Variants in GPC5 observed in about 807,000 individuals in gnomAD.
GPC5 encodes the protein glypican 5.
Under a neutral mutation model 53.9 loss-of-function variants are expected in GPC5, and 47 were observed. The observed-to-expected ratio is 0.87, with a 90% CI of 0.69 to 1.11. The LOEUF (loss-of-function observed/expected upper bound fraction) is 1.11, where lower values mean the gene tolerates loss of function less well. Among genes scored for constraint, GPC5 ranks in the 50% most tolerant of loss-of-function variants. The probability of loss-of-function intolerance (pLI) is 0.00; values close to 1 mark genes in which losing one functional copy is unlikely to be tolerated. For synonymous variants in GPC5, 286 were observed against 263.3 expected (o/e 1.09, Z -0.84); for missense variants, 748 against 713.1 (o/e 1.05, Z -0.56).
intron 7 of GPC5, among the ~76,000 whole-genome samples, chr13:92,724,912 A>ACACAC (rs1555306824): frequency 1.6e-5 from 2 of 124,700 alleles, no homozygotes; most frequent in Non-Finnish European, 1.7e-5. Context: ...ACACACACAC[A>ACACAC]AGAAAGAAAA....
At chr13:92,045,479 C>A (rs9589410) in intron 6 of GPC5, among the ~76,000 whole-genome samples, 86 of 152,138 alleles carry the variant, frequency 5.7e-4, no homozygotes, top group African/African-American at 2.0e-3. Flanking sequence ...TATGGGCTTG[C>A]TGAACACTTG....
At chr13:92,536,151 C>T (rs1881715337) in intron 7 of GPC5, among the ~76,000 whole-genome samples, 2 of 152,092 alleles carry the variant, frequency 1.3e-5, no homozygotes, top group African/African-American at 4.8e-5. Context: ...CTAAGCCTTT[C>T]GTACACCAAT....
chr13:92,461,421 G>A (rs1170005746), intron 7 of GPC5, among the ~76,000 whole-genome samples: 1 of 152,112 alleles, frequency 6.6e-6, no homozygotes, highest in East Asian at 1.9e-4. Flanking sequence ...GAGGAAGGGT[G>A]GCTAAGTACT....
chr13:92,081,505 A>ATT (rs370721487), intron 6 of GPC5, among the ~76,000 whole-genome samples: 2 of 150,412 alleles, frequency 1.3e-5, no homozygotes, highest in African/African-American at 4.9e-5. Flanking sequence ...GGAAGATCAG[A>ATT]TTTTTTTTTT....
chr13:91,830,993 T>TAA (rs901981337), intron 5 of GPC5, among the ~76,000 whole-genome samples: 5 of 136,712 alleles, frequency 3.7e-5, no homozygotes, highest in Non-Finnish European at 1.5e-5. Context: ...ATTATATATA[T>TAA]AATATATATA....
intron 7 of GPC5, among the ~76,000 whole-genome samples, chr13:92,722,961 G>C (rs562492179): frequency 1.3e-4 from 20 of 151,826 alleles, no homozygotes; most frequent in African/African-American, 4.8e-4. Context: ...TATACAAACA[G>C]ATTAAGCCAA....
At chr13:92,468,505 G>A (rs1878788323) in intron 7 of GPC5, among the ~76,000 whole-genome samples, 1 of 152,068 alleles carries the variant, frequency 6.6e-6, no homozygotes. Flanking sequence ...CATGAGCTGG[G>A]GATTTCCCAG....
At chr13:92,375,839 C>T (rs2043689554) in intron 7 of GPC5, among the ~76,000 whole-genome samples, 2 of 152,288 alleles carry the variant, frequency 1.3e-5, no homozygotes, top group Admixed American at 6.5e-5. Flanking sequence ...CATTTAATCA[C>T]ATCTGCAAAA....
chr13:92,524,551 T>A (rs1251899307), intron 7 of GPC5, among the ~76,000 whole-genome samples: 1 of 152,140 alleles, frequency 6.6e-6, no homozygotes, highest in African/African-American at 2.4e-5. Context: ...TATTTCTATG[T>A]ATAATCAAAA....
chr13:92,415,011 G>C (rs1395339036), intron 7 of GPC5, among the ~76,000 whole-genome samples: 1 of 152,144 alleles, frequency 6.6e-6, no homozygotes, highest in Non-Finnish European at 1.5e-5. Context: ...GGATGTATCA[G>C]AAAAAGAAAT....
chr13:92,421,686 A>G (rs563890470), intron 7 of GPC5, among the ~76,000 whole-genome samples: 255 of 121,310 alleles, frequency 2.1e-3, no homozygotes, highest in Non-Finnish European at 3.4e-3. Flanking sequence ...GCCACAGAGC[A>G]AGACTCCGTC....
chr13:92,290,584 G>A (rs113090691), intron 7 of GPC5, among the ~76,000 whole-genome samples: 6 of 152,288 alleles, frequency 3.9e-5, no homozygotes, highest in Middle Eastern at 3.4e-3. Flanking sequence ...AACATAGGAT[G>A]TTTGGTTTTC....
At chr13:91,634,408 A>C (rs1298642591) in intron 2 of GPC5, among the ~76,000 whole-genome samples, 1 of 152,106 alleles carries the variant, frequency 6.6e-6, no homozygotes, top group Non-Finnish European at 1.5e-5. Flanking sequence ...AGCTTAGGTC[A>C]CACAGTCGAT....
At position 92,492,294 on chromosome 13, in the gene GPC5, A is replaced by G. The variant is rs931473964; in HGVS notation, c.1561+347305A>G. Among the ~76,000 whole-genome samples the G allele has an allele frequency of 5.3e-5, 8 of 151,966 alleles. No homozygotes were observed. The South Asian group carries it at 1.5e-3, about 28-fold the overall frequency. On this transcript the variant is annotated intron_variant, in intron 7 of 7. Coordinates refer to ENST00000377067, the MANE Select transcript of GPC5 (RefSeq NM_004466.6). ...TTTCTTTTTTTCTTTTTTTTTAACAATGAGAACACTTGGACACAGGAAGGG... is the reference window on the plus strand; with the variant it reads ...TTTCTTTTTTTCTTTTTTTTTAACAGTGAGAACACTTGGACACAGGAAGGG...
rs115915660 is a variant in GPC5 at position 91,413,093 on chromosome 13, G to A, written c.163+13884G>A. Among the ~76,000 whole-genome samples the A allele has an allele frequency of 9.1e-3, 1,383 of 152,268 alleles. 24 individuals carry two copies. The highest frequency in any genetic ancestry group is 0.031 in the African/African-American group (1,274 of 41,540). ...GCTCAGAAGTTCAAGACCAGCCTGG[G>A]CAAATAGGGAGACTCCATCTCTACA... On this transcript the variant is annotated intron_variant, in intron 1 of 7. Coordinates refer to ENST00000377067, the MANE Select transcript of GPC5 (RefSeq NM_004466.6).
chr13:92,556,731 C>T (rs1392666667), intron 7 of GPC5, among the ~76,000 whole-genome samples: 3 of 151,770 alleles, frequency 2.0e-5, no homozygotes, highest in Non-Finnish European at 4.4e-5. Flanking sequence ...ATTGCCCATC[C>T]AGAGAGCAAT....
At chr13:91,851,721 A>G (rs1348296320) in intron 5 of GPC5, among the ~76,000 whole-genome samples, 1 of 133,716 alleles carries the variant, frequency 7.5e-6, no homozygotes, top group African/African-American at 2.9e-5. Context: ...TCATTGTTCA[A>G]TTCCCACCTA....
At chr13:92,353,879 C>T (rs1246913561) in intron 7 of GPC5, among the ~76,000 whole-genome samples, 2 of 152,092 alleles carry the variant, frequency 1.3e-5, no homozygotes, top group East Asian at 3.8e-4. Context: ...TTCTATAGAA[C>T]ATGAATTAAT....
chr13:91,503,442 G>A (rs828805), intron 2 of GPC5, among the ~76,000 whole-genome samples: 150,273 of 152,126 alleles, frequency 0.99, 74,255 homozygotes, highest in East Asian at 1. Context: ...AGATGAAATT[G>A]TGAGCAATTT....
Sources: allele counts gnomAD v4.1 joint callset (sites outside exome capture counted in the v4.1 genomes callset), GRCh38; gene constraint gnomAD v4.1.1; transcripts MANE v1.5; gene names NCBI Gene and HGNC (gene_info 2026-07-23, HGNC 2026-07-21).